Variants in TUT4 observed in about 807,000 individuals in gnomAD.
TUT4 encodes terminal uridylyltransferase 4.
Under a neutral mutation model 192.2 loss-of-function variants are expected in TUT4, and 36 were observed. The ratio of observed to expected loss-of-function variants is 0.19; its 90% CI spans 0.14 to 0.25. The LOEUF is 0.25. TUT4 is among the 10% of genes least tolerant of loss of function. The probability of loss-of-function intolerance (pLI) is 1.00; values close to 1 mark genes in which losing one functional copy is unlikely to be tolerated. For missense variants in TUT4, 1,493 were observed against 1,957.2 expected (o/e 0.76, Z 4.47); for synonymous variants, 618 against 666.0 (o/e 0.93, Z 1.11).
intron 15 of TUT4, among the ~76,000 whole-genome samples, chr1:52,465,492 C>A (rs2148755223): frequency 6.6e-6 from 1 of 152,334 alleles, no homozygotes. Flanking sequence ...ATCATGTACA[C>A]AGATGCCCAC....
chr1:52,539,949 A>G (rs1686067541), intron 1 of TUT4, among the ~76,000 whole-genome samples: 1 of 148,972 alleles, frequency 6.7e-6, no homozygotes, highest in Admixed American at 6.7e-5. Context: ...GCGGGACTAC[A>G]GGCTCACACC....
intron 1 of TUT4, among the ~76,000 whole-genome samples, chr1:52,526,773 C>T (rs184086933): frequency 1.2e-3 from 187 of 152,184 alleles, no homozygotes; most frequent in African/African-American, 4.2e-3. Flanking sequence ...GCCTGTAATC[C>T]CAGCACTTTG....
intron 1 of TUT4, among the ~76,000 whole-genome samples, chr1:52,544,243 G>A (rs543965021): frequency 5.0e-4 from 76 of 151,434 alleles, no homozygotes; most frequent in African/African-American, 1.5e-3. Flanking sequence ...AGCTGAGATC[G>A]TGCCAGTGCA....
intron 2 of TUT4, 152 bp downstream of exon 2, chr1:52,525,411 T>C (rs977331383): frequency 3.2e-5 from 34 of 1,048,960 alleles, no homozygotes; most frequent in Middle Eastern, 3.2e-4. Context: ...AAGAAACCAT[T>C]AATGCAAGTA....
chr1:52,473,134 ATATAAT>A (rs1666219774), intron 13 of TUT4, among the ~76,000 whole-genome samples: 1 of 152,208 alleles, frequency 6.6e-6, no homozygotes, highest in South Asian at 2.1e-4. Flanking sequence ...AACTGAAGTT[ATATAAT>A]TAAGTTTTCT....
Position 52,431,021 on chromosome 1 carries a change from C to T in TUT4, c.4703G>A (p.Gly1568Glu). 1 of 1,568,554 alleles carries T rather than the reference C, an allele frequency of 6.4e-7. No individual in the cohort carries two copies. The highest frequency in any genetic ancestry group is 8.7e-7 in the Non-Finnish European group (1 of 1,152,868). Residue 1568 changes from glycine (G) to glutamate (E), a missense_variant, in exon 28 of 30, where the codon GGG becomes GAG. Coordinates refer to ENST00000257177, the MANE Select transcript of TUT4 (RefSeq NM_001009881.3). Reference sequence around the variant, plus strand: ...AGAAAAGGAAAGGTTACCTGAATTCCCCACTGCACCACTGTTTACCAGGGA... The same window carrying T: ...AGAAAAGGAAAGGTTACCTGAATTCTCCACTGCACCACTGTTTACCAGGGA... ...PNSLVNSGAV[G>E]NSEPGFRGLT...
At chr1:52,471,067 A>G (rs1570659655) in intron 14 of TUT4, among the ~76,000 whole-genome samples, 1 of 118,794 alleles carries the variant, frequency 8.4e-6, no homozygotes, top group South Asian at 2.8e-4. Context: ...CCCGGGCTGG[A>G]GTGCAGTGGC....
chr1:52,481,373 C>A (rs2274145), intron 11 of TUT4, 50 bp downstream of exon 11: 2 of 1,574,226 alleles, frequency 1.3e-6, no homozygotes, highest in Non-Finnish European at 1.7e-6. Context: ...CGAAGAATAT[C>A]ACAAATTCTA....
At chr1:52,467,414 T>C (rs1416886723) in intron 15 of TUT4, among the ~76,000 whole-genome samples, 2 of 152,178 alleles carry the variant, frequency 1.3e-5, no homozygotes, top group Non-Finnish European at 2.9e-5. Context: ...CTTGAAACCA[T>C]CCTTGATTTC....
intron 9 of TUT4, among the ~76,000 whole-genome samples, 172 bp from the exon 10 acceptor site, chr1:52,482,095 T>A (rs941515974): frequency 6.6e-5 from 10 of 152,188 alleles, no homozygotes; most frequent in Non-Finnish European, 1.2e-4. Flanking sequence ...ATGTTGATGA[T>A]CATTTTTTTC....
At chr1:52,512,580 A>C (rs1677488452) in intron 3 of TUT4, among the ~76,000 whole-genome samples, 1 of 152,212 alleles carries the variant, frequency 6.6e-6, no homozygotes, top group East Asian at 1.9e-4. Context: ...AATCAGACAA[A>C]ACTGCTCTCA....
chr1:52,459,018 A>G (rs1661735007), intron 19 of TUT4, among the ~76,000 whole-genome samples: 1 of 152,228 alleles, frequency 6.6e-6, no homozygotes, highest in African/African-American at 2.4e-5. Flanking sequence ...CAACCATTAA[A>G]AAAAGAACGA....
intron 16 of TUT4, chr1:52,463,859 A>C: frequency 2.6e-6 from 3 of 1,148,124 alleles, no homozygotes; most frequent in Non-Finnish European, 2.3e-6. Flanking sequence ...CTGGCATCTC[A>C]CGGTGGAACT....
intron 9 of TUT4, among the ~76,000 whole-genome samples, chr1:52,483,006 C>T (rs544442317): frequency 2.0e-5 from 3 of 152,046 alleles, no homozygotes; most frequent in East Asian, 1.9e-4. Flanking sequence ...TACAAAAATT[C>T]GTATTTTCCA....
intron 20 of TUT4, among the ~76,000 whole-genome samples, chr1:52,453,009 T>C (rs577422465): frequency 5.3e-4 from 81 of 152,304 alleles, no homozygotes; most frequent in African/African-American, 1.7e-3. Context: ...GGTTGCTTGC[T>C]TGGTATATGG....
At chr1:52,464,922 T>C in intron 16 of TUT4, 148 bp downstream of exon 16, 1 of 529,860 alleles carries the variant, frequency 1.9e-6, no homozygotes, top group Non-Finnish European at 3.1e-6. Flanking sequence ...CTGAAAATGC[T>C]ACTGTTTTCA....
intron 2 of TUT4, among the ~76,000 whole-genome samples, chr1:52,519,820 G>C (rs1260895599): frequency 1.3e-5 from 2 of 152,104 alleles, no homozygotes; most frequent in Middle Eastern, 6.8e-3. Context: ...TGAATACTTA[G>C]ATTTTTTAAA....
intron 9 of TUT4, among the ~76,000 whole-genome samples, chr1:52,483,406 T>C (rs1021766047): frequency 6.6e-6 from 1 of 150,526 alleles, no homozygotes; most frequent in African/African-American, 2.4e-5. Flanking sequence ...TATCTTACCA[T>C]ATAAAATTTT....
At chr1:52,437,043 G>C in intron 25 of TUT4, 65 bp from the exon 26 acceptor site, 1 of 1,559,690 alleles carries the variant, frequency 6.4e-7, no homozygotes, top group Non-Finnish European at 8.6e-7. Context: ...AACTATGCAG[G>C]ACTCTCACAA....
Sources: gnomAD v4.1 joint callset for allele counts (sites outside exome capture counted in the v4.1 genomes callset) on GRCh38, gnomAD v4.1.1 for gene constraint, MANE v1.5 for transcripts, NCBI Gene and HGNC (gene_info 2026-07-23, HGNC 2026-07-21) for gene names.